DDC: variants seen among roughly 807,000 people sequenced by gnomAD.
The protein encoded by DDC is dopa decarboxylase.
Under a neutral mutation model 60.0 loss-of-function variants are expected in DDC, and 43 were observed. The observed-to-expected ratio is 0.72, with a 90% confidence interval of 0.56 to 0.92. DDC has a LOEUF of 0.92. Ranked by LOEUF, DDC falls within the 40% of genes least tolerant of loss-of-function variation. DDC has a pLI of 0.00. For missense variants in DDC, 573 were observed against 620.2 expected, an observed-to-expected ratio of 0.92 and a Z score of 0.81; for synonymous variants, 232 against 234.6, an observed-to-expected ratio of 0.99 and a Z score of 0.10.
chr7:50,527,966 G>C, intron 6 of DDC, 171 bp downstream of exon 6: 1 of 641,642 alleles, frequency 1.6e-6, no homozygotes, highest in Non-Finnish European at 2.6e-6. Flanking sequence ...GCGCGATCTC[G>C]GCTCACTGCA....
chr7:50,513,770 C>A (rs1354444111), intron 6 of DDC, among the ~76,000 whole-genome samples: 1 of 152,036 alleles, frequency 6.6e-6, no homozygotes, highest in Non-Finnish European at 1.5e-5. Flanking sequence ...GTACACAACT[C>A]CAGTGACCTA....
At chr7:50,501,528 A>C (rs2153540139) in intron 7 of DDC, among the ~76,000 whole-genome samples, 1 of 152,390 alleles carries the variant, frequency 6.6e-6, no homozygotes, top group African/African-American at 2.4e-5. Flanking sequence ...CAATTGGAAG[A>C]AAACCATCTT....
chr7:50,501,959 AG>A (rs2043269899), intron 7 of DDC, among the ~76,000 whole-genome samples: 1 of 152,150 alleles, frequency 6.6e-6, no homozygotes, highest in Non-Finnish European at 1.5e-5. Context: ...CTGTGATCCC[AG>A]CTACTCAGAA....
At chr7:50,516,670 A>G (rs1485421380) in intron 6 of DDC, among the ~76,000 whole-genome samples, 2 of 152,192 alleles carry the variant, frequency 1.3e-5, no homozygotes, top group African/African-American at 2.4e-5. Context: ...AATAAAATTG[A>G]TAGACCATTA....
At chr7:50,492,550 C>A (rs1346004594) in intron 9 of DDC, 3 of 328,594 alleles carry the variant, frequency 9.1e-6, no homozygotes, top group Non-Finnish European at 1.4e-5. Context: ...GTATTGCAAC[C>A]ACCCTGCCCC....
chr7:50,502,516 T>C (rs1294227217), intron 7 of DDC, among the ~76,000 whole-genome samples: 1 of 152,234 alleles, frequency 6.6e-6, no homozygotes, highest in African/African-American at 2.4e-5. Context: ...TCCAAGTTGC[T>C]TGGCTGAGCT....
chr7:50,525,317 T>C (rs1422515811), intron 6 of DDC, among the ~76,000 whole-genome samples: 1 of 152,160 alleles, frequency 6.6e-6, no homozygotes, highest in South Asian at 2.1e-4. Flanking sequence ...CATAGACCTA[T>C]ACACACACAA....
At chr7:50,559,423 C>G (rs1347754684) in intron 1 of DDC, among the ~76,000 whole-genome samples, 1 of 134,792 alleles carries the variant, frequency 7.4e-6, no homozygotes, top group East Asian at 2.3e-4. Flanking sequence ...AACATCAGAA[C>G]ATTTCTTTTT....
At chr7:50,520,900 AAAATAAATAAATAAAT>A (rs58873202) in intron 6 of DDC, among the ~76,000 whole-genome samples, 106,198 of 147,818 alleles carry the variant, frequency 0.72, 38,404 homozygotes, top group East Asian at 0.87. Flanking sequence ...TCTGTCTCAG[AAAATAAATAAATAAAT>A]AAATAAATAA....
At chr7:50,531,759 A>G (rs1392422107) in intron 4 of DDC, 3 of 152,062 alleles carry the variant, frequency 2.0e-5, no homozygotes, top group Non-Finnish European at 4.4e-5. Context: ...AGCTCTCTGC[A>G]CTTTGCTGGC....
chr7:50,546,823 T>C (rs2044822129), intron 1 of DDC, among the ~76,000 whole-genome samples: 1 of 152,212 alleles, frequency 6.6e-6, no homozygotes, highest in Non-Finnish European at 1.5e-5. Context: ...CTCTAGATTA[T>C]AGCAACAGCA....
At chr7:50,485,359 C>T (rs2042859797) in intron 9 of DDC, among the ~76,000 whole-genome samples, 1 of 152,120 alleles carries the variant, frequency 6.6e-6, no homozygotes, top group African/African-American at 2.4e-5. Flanking sequence ...ATAATGATTG[C>T]CAGTTTCAGA....
At chr7:50,499,795 G>A (rs6951648) in intron 7 of DDC, among the ~76,000 whole-genome samples, 29,208 of 152,110 alleles carry the variant, frequency 0.19, 2,885 homozygotes, top group Middle Eastern at 0.22. Flanking sequence ...ATGCATAGCA[G>A]CCTTGTGGGC....
chr7:50,486,014 A>T (rs1019771125), intron 9 of DDC, among the ~76,000 whole-genome samples: 7 of 152,200 alleles, frequency 4.6e-5, no homozygotes, highest in African/African-American at 1.7e-4. Context: ...CGGTGTCTAG[A>T]GGAAGGGATG....
At chr7:50,551,083 T>A (rs949937594) in intron 1 of DDC, among the ~76,000 whole-genome samples, 24 of 152,196 alleles carry the variant, frequency 1.6e-4, no homozygotes, top group Non-Finnish European at 5.9e-5. Flanking sequence ...TAGAACAAAT[T>A]CTTCTAGAGA....
At chr7:50,505,153 CAT>C (rs890063769) in intron 6 of DDC, among the ~76,000 whole-genome samples, 3 of 152,248 alleles carry the variant, frequency 2.0e-5, no homozygotes, top group Non-Finnish European at 2.9e-5. Context: ...TCCCCACACA[CAT>C]GTCTGTCTCT....
At chr7:50,560,050 C>T (rs896527961) in intron 1 of DDC, among the ~76,000 whole-genome samples, 1 of 152,148 alleles carries the variant, frequency 6.6e-6, no homozygotes, top group Non-Finnish European at 1.5e-5. Flanking sequence ...TCCAGACACC[C>T]CTTAACTTGC....
chr7:50,529,073 T>A, intron 5 of DDC, 135 bp downstream of exon 5: 1 of 1,177,312 alleles, frequency 8.5e-7, no homozygotes, highest in Non-Finnish European at 1.3e-6. Flanking sequence ...TCCCTGTAGT[T>A]CAGGTCTCTA....
chr7:50,514,017 G>A (rs2043659084), intron 6 of DDC, among the ~76,000 whole-genome samples: 1 of 152,128 alleles, frequency 6.6e-6, no homozygotes, highest in South Asian at 2.1e-4. Flanking sequence ...AGGCCAACCA[G>A]CACAAAATCA....
Sources: allele counts gnomAD v4.1 joint callset (sites outside exome capture counted in the v4.1 genomes callset), GRCh38; gene constraint gnomAD v4.1.1; transcripts MANE v1.5; gene names NCBI Gene and HGNC (gene_info 2026-07-23, HGNC 2026-07-21).